CPED1: variants seen among roughly 807,000 people sequenced by gnomAD.
The protein encoded by CPED1 is cadherin-like and PC-esterase domain-containing protein 1.
CPED1 carries 114 observed loss-of-function variants against 128.2 expected under a neutral mutation model. The ratio of observed to expected loss-of-function variants is 0.89; its 90% confidence interval spans 0.76 to 1.04. The LOEUF (loss-of-function observed/expected upper bound fraction) is 1.04, where lower values mean the gene tolerates loss of function less well. CPED1 is among the 50% of genes least tolerant of loss of function. The probability of loss-of-function intolerance (pLI) is 0.00; values close to 1 mark genes in which losing one functional copy is unlikely to be tolerated. For missense variants in CPED1, 1,211 were observed against 1,207.1 expected (o/e 1.00, Z -0.05); for synonymous variants, 462 against 426.7 (o/e 1.08, Z -1.02).
At chr7:121,157,649 T>C (rs529190388) in intron 16 of CPED1, among the ~76,000 whole-genome samples, 22 of 152,202 alleles carry the variant, frequency 1.4e-4, no homozygotes, top group African/African-American at 5.3e-4. Flanking sequence ...CCATCAATAA[T>C]TGACCAAAGT....
chr7:121,099,813 G>A, intron 6 of CPED1, 113 bp from the exon 7 acceptor site: 2 of 1,072,020 alleles, frequency 1.9e-6, no homozygotes, highest in Non-Finnish European at 2.7e-6. Flanking sequence ...CACACACTGA[G>A]GGCTGGCGTC....
Position 120,993,284 on chromosome 7 carries a change from T to C in CPED1, c.249+3414T>C, listed in dbSNP as rs539648501. Among the ~76,000 whole-genome samples the C allele has an allele frequency of 7.2e-5, 11 of 152,194 alleles. No homozygotes were observed. The South Asian group carries it at 1.4e-3, about 20-fold the overall frequency. On this transcript the variant is annotated intron_variant, in intron 2 of 22. Coordinates refer to ENST00000310396, the MANE Select transcript of CPED1 (RefSeq NM_024913.5). ...TAAACAGAAGCAATGAAAGAAAATC[T>C]CCTTAATATATGCTTCTTTAATGGA...
chr7:121,020,038 A>G (rs1164600224), intron 3 of CPED1, among the ~76,000 whole-genome samples: 1 of 151,982 alleles, frequency 6.6e-6, no homozygotes. Flanking sequence ...ATACTTGAAG[A>G]GTAGTGGATA....
At chr7:121,141,127 C>T (rs779464289) in intron 15 of CPED1, 114 bp downstream of exon 15, 5 of 757,940 alleles carry the variant, frequency 6.6e-6, no homozygotes, top group Non-Finnish European at 9.9e-6. Flanking sequence ...TGAAAGATTG[C>T]CAGGATGTGA....
At chr7:121,247,344 G>C (rs1178088763) in intron 18 of CPED1, among the ~76,000 whole-genome samples, 1 of 152,104 alleles carries the variant, frequency 6.6e-6, no homozygotes, top group Admixed American at 6.6e-5. Flanking sequence ...AAAAATACAG[G>C]ATCCTGTGTT....
chr7:121,082,028 C>T (rs976513369), intron 5 of CPED1, among the ~76,000 whole-genome samples: 1 of 151,976 alleles, frequency 6.6e-6, no homozygotes, highest in Non-Finnish European at 1.5e-5. Flanking sequence ...GAATTTTAAC[C>T]CTAAAGGAAG....
chr7:121,117,690 A>G (rs1290522346), intron 7 of CPED1, among the ~76,000 whole-genome samples: 1 of 152,122 alleles, frequency 6.6e-6, no homozygotes, highest in African/African-American at 2.4e-5. Flanking sequence ...ATGACTCCCC[A>G]AGGGGCTCAG....
chr7:121,028,080 G>T (rs146974363), intron 3 of CPED1, among the ~76,000 whole-genome samples: 3 of 152,114 alleles, frequency 2.0e-5, no homozygotes, highest in African/African-American at 7.2e-5. Context: ...CTACTGATTT[G>T]CTAGGATGGT....
chr7:121,183,029 C>T (rs1796932222), intron 16 of CPED1, among the ~76,000 whole-genome samples: 1 of 151,818 alleles, frequency 6.6e-6, no homozygotes, highest in Non-Finnish European at 1.5e-5. Flanking sequence ...GTTTACAAAG[C>T]CTTGCAAAAA....
At chr7:121,139,710 T>A (rs879635526) in intron 14 of CPED1, among the ~76,000 whole-genome samples, 1 of 152,074 alleles carries the variant, frequency 6.6e-6, no homozygotes, top group Non-Finnish European at 1.5e-5. Context: ...ATCAACAGAT[T>A]TGATTTTAGG....
rs1429382517 is a variant in CPED1 at position 121,100,017 on chromosome 7, T to TTAAC, written c.842_845dup (p.Pro283AsnfsTer31). On this transcript the variant is annotated frameshift_variant, in exon 7 of 23. Coordinates refer to ENST00000310396, the MANE Select transcript of CPED1 (RefSeq NM_024913.5). LOFTEE classifies it high-confidence loss of function. ...TAAAGCGTATGTGTTGGTGACGTCC[T>TTAAC]TAACCCCTTTGCGTGCATTCATTCA... 6.2e-7 allele frequency: 1 copy of TTAAC among 1,613,772 alleles called. No individual in the cohort carries two copies. The highest frequency in any genetic ancestry group is 8.5e-7 in the Non-Finnish European group (1 of 1,179,824).
At chr7:121,279,884 T>A (rs1792421250) in intron 22 of CPED1, among the ~76,000 whole-genome samples, 1 of 152,168 alleles carries the variant, frequency 6.6e-6, no homozygotes, top group Admixed American at 6.6e-5. Flanking sequence ...AACTTTTCCC[T>A]AGACCTCCTA....
intron 16 of CPED1, among the ~76,000 whole-genome samples, chr7:121,181,011 A>G (rs1330009847): frequency 2.6e-5 from 4 of 152,066 alleles, no homozygotes; most frequent in Non-Finnish European, 4.4e-5. Flanking sequence ...TCACAAAATA[A>G]TATTTTAAAC....
Position 121,099,998 on chromosome 7 carries a change from G to A in CPED1, c.822G>A (p.Ala274=), listed in dbSNP as rs765821693. Residue 274 remains alanine (A), a synonymous_variant, in exon 7 of 23, where the codon GCG becomes GCA. Coordinates refer to ENST00000310396, the MANE Select transcript of CPED1 (RefSeq NM_024913.5). ...AAGATCTATCTGTGATTCTTAAAGC[G>A]TATGTGTTGGTGACGTCCTTAACCC... is the stretch of plus-strand genomic sequence containing the variant. ...RAEDLSVILK[A]YVLVTSLTPL... is the part of the protein sequence containing the mutation. 2.4e-5 allele frequency: 39 copies of A among 1,613,178 alleles called. No homozygotes were observed. The Admixed American group carries it at 3.2e-4, about 13-fold the overall frequency.
At chr7:121,035,912 T>G (rs1022369369) in intron 3 of CPED1, among the ~76,000 whole-genome samples, 2 of 149,166 alleles carry the variant, frequency 1.3e-5, no homozygotes, top group African/African-American at 2.5e-5. Flanking sequence ...GGGTTCAAAT[T>G]TGTACGTTTT....
chr7:121,028,587 C>A (rs77422769), intron 3 of CPED1, among the ~76,000 whole-genome samples: 3,002 of 152,250 alleles, frequency 0.02, 101 homozygotes, highest in African/African-American at 0.069. Context: ...ACACACCGAA[C>A]TTTCTGGAAG....
rs1798267239 is a variant in CPED1, at chr7:121,236,815, A to G, written c.2157A>G (p.Pro719=). 2 of 1,579,672 alleles carry G rather than the reference A, an allele frequency of 1.3e-6. No individual in the cohort carries two copies. Among genetic ancestry groups the G allele is most frequent in the Non-Finnish European group, 8.7e-7 (1 of 1,154,856 alleles). ...TACAGTCTGAACTAAAAAGATGTCC[A>G]TCTGGGGACATGAAAGGTGACTATC... ...AILQSELKRC[P]SGDMKGQWIV... Residue 719 remains proline (P), a synonymous_variant, in exon 17 of 23, where the codon CCA becomes CCG. Transcript: ENST00000310396.
At chr7:121,006,148 C>T (rs1792008275) in intron 2 of CPED1, among the ~76,000 whole-genome samples, 1 of 152,152 alleles carries the variant, frequency 6.6e-6, no homozygotes, top group African/African-American at 2.4e-5. Context: ...TCTGTATAGA[C>T]TTACTATTTT....
intron 16 of CPED1, among the ~76,000 whole-genome samples, chr7:121,228,061 T>C (rs1187222846): frequency 6.6e-6 from 1 of 152,028 alleles, no homozygotes; most frequent in Non-Finnish European, 1.5e-5. Flanking sequence ...GAAGAAAACC[T>C]AGGGAAAGGT....
Sources: allele counts gnomAD v4.1 joint callset (sites outside exome capture counted in the v4.1 genomes callset), GRCh38; gene constraint gnomAD v4.1.1; transcripts MANE v1.5; gene names NCBI Gene and HGNC (gene_info 2026-07-23, HGNC 2026-07-21).